Variants in ST3GAL2 observed in about 807,000 individuals in gnomAD.
ST3GAL2 encodes the protein CMP-N-acetylneuraminate-beta-galactosamide-alpha-2,3-sialyltransferase 2.
ST3GAL2 carries 16 observed loss-of-function variants against 37.5 expected under a neutral mutation model. The observed-to-expected ratio is 0.43, with a 90% CI of 0.29 to 0.65. The LOEUF (loss-of-function observed/expected upper bound fraction) is 0.65, where lower values mean the gene tolerates loss of function less well. ST3GAL2 is among the 30% of genes least tolerant of loss of function. The pLI is 0.17. For missense variants in ST3GAL2, 383 were observed against 487.8 expected (o/e 0.79, Z 2.02); for synonymous variants, 238 against 202.9 (o/e 1.17, Z -1.47).
In ST3GAL2 at chr16:70,398,509, A is replaced by G; in HGVS notation, c.22T>C (p.Trp8Arg). The part of the protein sequence containing the change: MKCSLRV[W>R]FLSVAFLLVF... ...AGCAGGAAGGCCACGGAGAGGAACC[A>G]CACCCGCAGGGAGCACTTCATGGTG... The change falls in exon 2 of 7, where the codon TGG becomes CGG. Residue 8 changes from tryptophan to arginine, a missense_variant. Around this residue, in one of 2 missense-constraint regions of ST3GAL2, gnomAD observed 223 missense variants for 239.1 expected, o/e 0.93. Transcript: ENST00000342907. 2 of 1,609,388 alleles carry G rather than the reference A, an allele frequency of 1.2e-6. No individual in the cohort carries two copies. The highest frequency in any genetic ancestry group is 1.7e-6 in the Non-Finnish European group (2 of 1,178,156).
intron 1 of ST3GAL2, among the ~76,000 whole-genome samples, chr16:70,438,386 C>G (rs1481870355): frequency 6.6e-6 from 1 of 152,216 alleles, no homozygotes; most frequent in Non-Finnish European, 1.5e-5. Flanking sequence ...GGCCAAGTTT[C>G]TGGCTTCAGC....
At chr16:70,419,895 TATG>T (rs970893871) in intron 1 of ST3GAL2, among the ~76,000 whole-genome samples, 3 of 152,010 alleles carry the variant, frequency 2.0e-5, no homozygotes, top group Admixed American at 2.0e-4. Flanking sequence ...GGCCAGGCAA[TATG>T]ATGACAGCAA....
intron 1 of ST3GAL2, among the ~76,000 whole-genome samples, chr16:70,422,713 C>T (rs2047723639): frequency 6.6e-6 from 1 of 152,162 alleles, no homozygotes; most frequent in South Asian, 2.1e-4. Flanking sequence ...CAGCCTTGAC[C>T]TCTGGCCCAG....
At position 70,381,632 on chromosome 16, in the gene ST3GAL2, C is replaced by CGGGCCGGAGCCCCGGTGCCCGATAGAT. The variant is rs1567664103; in HGVS notation, c.*30_*56dup. ...GTCGCGGGTTGCTGGTCCTGGGTCC[C>CGGGCCGGAGCCCCGGTGCCCGATAGAT]GGGCCGGAGCCCCGGTGCCCGATAG... On this transcript the variant is annotated 3_prime_UTR_variant, in exon 7 of 7. Coordinates refer to ENST00000342907, the MANE Select transcript of ST3GAL2 (RefSeq NM_006927.4). 8 of 1,584,146 alleles carry CGGGCCGGAGCCCCGGTGCCCGATAGAT rather than the reference C, an allele frequency of 5.1e-6. No individual in the cohort carries two copies. In the African/African-American group the frequency reaches 5.4e-5, roughly 11 times the overall value.
chr16:70,394,905 C>A, intron 3 of ST3GAL2, 77 bp downstream of exon 3: 4 of 1,522,748 alleles, frequency 2.6e-6, no homozygotes, highest in Non-Finnish European at 3.5e-6. Flanking sequence ...ATGCACCCTG[C>A]CAGACAAGGC....
At chr16:70,433,515 C>T (rs901477724) in intron 1 of ST3GAL2, among the ~76,000 whole-genome samples, 9 of 152,110 alleles carry the variant, frequency 5.9e-5, no homozygotes, top group South Asian at 4.1e-4. Context: ...CCCAACATGC[C>T]ACCAGCCCTT....
At chr16:70,381,963 G>C (rs1597552911) in intron 6 of ST3GAL2, 101 bp from the exon 7 acceptor site, 3 of 1,473,278 alleles carry the variant, frequency 2.0e-6, no homozygotes, top group Non-Finnish European at 2.8e-6. Flanking sequence ...GGAGGCCCCG[G>C]GGAGATGCAG....
At chr16:70,419,508 G>A (rs1391953859) in intron 1 of ST3GAL2, among the ~76,000 whole-genome samples, 1 of 152,220 alleles carries the variant, frequency 6.6e-6, no homozygotes, top group Admixed American at 6.5e-5. Flanking sequence ...AAGGCCCTCT[G>A]CAAACCAGAG....
Position 70,395,096 on chromosome 16 carries a change from G to A in ST3GAL2, c.419C>T (p.Pro140Leu). 1 of 1,613,968 alleles carries A rather than the reference G, an allele frequency of 6.2e-7. No homozygotes were observed. Among genetic ancestry groups the A allele is most frequent in the South Asian group, 1.1e-5 (1 of 91,038 alleles). The change falls in exon 3 of 7, where the codon CCC (proline) becomes CTC (leucine). Residue 140 changes from proline to leucine, a missense_variant. Physicochemically the swap from Pro to Leu is moderately conservative, Grantham distance 98 (BLOSUM62 -3). Coordinates refer to ENST00000342907, the MANE Select transcript of ST3GAL2 (RefSeq NM_006927.4). ...KLFQIVPGENPYRFRDPHQCR... is the reference protein window; with the variant it reads ...KLFQIVPGENLYRFRDPHQCR... ...CTGGTGGGGGTCCCGGAAGCGGTAGGGGTTCTCGCCAGGCACTATCTGGAA... is the reference window on the plus strand; with the variant it reads ...CTGGTGGGGGTCCCGGAAGCGGTAGAGGTTCTCGCCAGGCACTATCTGGAA...
chr16:70,377,479 GAA>G lies in ST3GAL2; in HGVS notation c.*4208_*4209del, dbSNP rs779676975. On this transcript the variant is annotated 3_prime_UTR_variant, in exon 7 of 7. Transcript: ENST00000342907. ...TGGGCAATGGAGAGAGACTCCATCT[GAA>G]AAAAAAAAAAAAAAAAGAGAAAAGC... The G allele has an allele frequency of 1.0e-4, 9 of 86,858 alleles. No homozygotes were observed. Among genetic ancestry groups the G allele is most frequent in the Admixed American group, 4.3e-4 (3 of 6,942 alleles). 5.4% of individuals were successfully genotyped at this position (86,858 alleles called of 1,614,324 possible).
At position 70,382,861 on chromosome 16, in the gene ST3GAL2, G is replaced by A. The variant is rs779063748; in HGVS notation, c.823C>T (p.Arg275Trp). 1.2e-6 allele frequency: 2 copies of A among 1,614,084 alleles called. No individual in the cohort carries two copies. Among genetic ancestry groups the A allele is most frequent in the East Asian group, 2.2e-5 (1 of 44,882 alleles). Residue 275 changes from arginine to tryptophan, a missense_variant, in exon 6 of 7, where the codon CGG (arginine) becomes TGG (tryptophan). Arg to Trp is a moderately radical substitution (Grantham distance 101). Around this residue, in one of 2 missense-constraint regions of ST3GAL2, gnomAD observed 160 missense variants for 248.6 expected, o/e 0.64. Coordinates refer to ENST00000342907, the MANE Select transcript of ST3GAL2 (RefSeq NM_006927.4). The part of the protein sequence containing the change: ...IHDRWTEHHG[R>W]YPSTGMLVLF... Reference sequence around the variant, plus strand: ...ACCAGCATCCCCGTGGAAGGGTACCGCCCGTGATGCTCTGTCCACCTGTCG... The same window carrying A: ...ACCAGCATCCCCGTGGAAGGGTACCACCCGTGATGCTCTGTCCACCTGTCG...
intron 1 of ST3GAL2, among the ~76,000 whole-genome samples, chr16:70,420,386 C>A (rs954452446): frequency 8.5e-5 from 13 of 152,196 alleles, no homozygotes; most frequent in African/African-American, 3.1e-4. Context: ...CCTAGGGAAA[C>A]AGGCATCCCT....
At chr16:70,407,798 A>G (rs2047602748) in intron 1 of ST3GAL2, among the ~76,000 whole-genome samples, 1 of 152,240 alleles carries the variant, frequency 6.6e-6, no homozygotes, top group African/African-American at 2.4e-5. Context: ...GCAGCTTTAG[A>G]GCCAATTCTC....
chr16:70,415,819 G>A (rs1453542765), intron 1 of ST3GAL2, among the ~76,000 whole-genome samples: 1 of 135,628 alleles, frequency 7.4e-6, no homozygotes, highest in Non-Finnish European at 1.5e-5. Context: ...CCAGCCTGGA[G>A]TGCAGTGGCA....
In ST3GAL2 at chr16:70,380,212, C is replaced by T. The variant is rs901570626; in HGVS notation, c.*1477G>A. 2.6e-5 allele frequency: 4 copies of T among 152,156 alleles called. No individual in the cohort carries two copies. The highest frequency in any genetic ancestry group is 9.7e-5 in the African/African-American group (4 of 41,412). The allele number at this position is 152,156 out of a possible 1,614,324, so 9.4% of individuals were successfully genotyped here. On this transcript the variant is annotated 3_prime_UTR_variant, in exon 7 of 7. Transcript: ENST00000342907. ...GAAAGAACGACACTCGAGCTAGGTT[C>T]CAATATATTAACTTTCAGGGGCCCA...
rs573379811 is a variant in ST3GAL2 at position 70,395,604 on chromosome 16, G to A, written c.340-429C>T. On this transcript the variant is annotated intron_variant, in intron 2 of 6. Coordinates refer to ENST00000342907, the MANE Select transcript of ST3GAL2 (RefSeq NM_006927.4). ...ACTGGGGTTGCAGAAGCCACGTCCA[G>A]GGTGACAGTCCAGCCACTCCCTGAG... Among the ~76,000 whole-genome samples, 5 of 152,340 alleles carry A rather than the reference G, an allele frequency of 3.3e-5. No individual in the cohort carries two copies. The South Asian group carries it at 1.0e-3, about 32-fold the overall frequency.
chr16:70,385,883 T>G (rs796790244), intron 4 of ST3GAL2, among the ~76,000 whole-genome samples: 4 of 151,848 alleles, frequency 2.6e-5, no homozygotes, highest in African/African-American at 9.7e-5. Context: ...ATTTTTGTAT[T>G]TTTTGCAGAG....
chr16:70,383,594 G>A, intron 4 of ST3GAL2, among the ~76,000 whole-genome samples: 1 of 150,570 alleles, frequency 6.6e-6, no homozygotes, highest in African/African-American at 2.4e-5. Flanking sequence ...GGGGTGGGGA[G>A]GGGAAGGGAA....
intron 3 of ST3GAL2, 97 bp from the exon 4 acceptor site, chr16:70,388,643 C>T (rs542950246): frequency 1.1e-5 from 15 of 1,346,550 alleles, no homozygotes; most frequent in South Asian, 5.8e-5. Flanking sequence ...AAAATGCAAA[C>T]GGGTGTATAC....
Sources: gnomAD v4.1 joint callset for allele counts (sites outside exome capture counted in the v4.1 genomes callset) on GRCh38, gnomAD v4.1.1 for gene constraint, gnomAD v4.1.1 regional missense constraint, MANE v1.5 for transcripts, NCBI Gene and HGNC (gene_info 2026-07-23, HGNC 2026-07-21) for gene names.